The following MBOAT1 variants were observed in gnomAD, a reference collection of about 807,000 sequenced individuals.
MBOAT1 encodes membrane bound glycerophospholipid O-acyltransferase 1, also known as membrane-bound glycerophospholipid O-acyltransferase 1.
MBOAT1 carries 67 observed loss-of-function variants against 64.4 expected under a neutral mutation model. The observed-to-expected ratio is 1.04, with a 90% CI of 0.85 to 1.27. The LOEUF (loss-of-function observed/expected upper bound fraction) is 1.27, where lower values mean the gene tolerates loss of function less well. Ranked by LOEUF, MBOAT1 falls within the 50% of genes most tolerant of loss-of-function variation. MBOAT1 has a pLI of 0.00. For synonymous variants in MBOAT1, 229 were observed against 218.9 expected, an observed-to-expected ratio of 1.05 and a Z score of -0.41; for missense variants, 563 against 604.6, an observed-to-expected ratio of 0.93 and a Z score of 0.72.
intron 3 of MBOAT1, among the ~76,000 whole-genome samples, chr6:20,146,853 C>G (rs761930418): frequency 1.5e-4 from 23 of 152,212 alleles, no homozygotes; most frequent in Non-Finnish European, 3.1e-4. Context: ...TCTAAGGAAT[C>G]AAGAAGTGGT....
chr6:20,186,985 A>C (rs1284531668), intron 1 of MBOAT1, among the ~76,000 whole-genome samples: 1 of 152,262 alleles, frequency 6.6e-6, no homozygotes, highest in African/African-American at 2.4e-5. Flanking sequence ...TGTTTATTGC[A>C]AAGTTAAACT....
chr6:20,168,599 G>GAAGAGA (rs1554120209), intron 1 of MBOAT1, among the ~76,000 whole-genome samples: 18 of 84,702 alleles, frequency 2.1e-4, no homozygotes, highest in East Asian at 2.9e-4. Flanking sequence ...GGGAGAGAAA[G>GAAGAGA]AGAGAAGAGA....
intron 1 of MBOAT1, among the ~76,000 whole-genome samples, chr6:20,179,443 T>C (rs972025132): frequency 1.3e-5 from 2 of 152,240 alleles, no homozygotes; most frequent in African/African-American, 4.8e-5. Flanking sequence ...TTGCCGAGGA[T>C]AATGGTTTGT....
At chr6:20,153,829 GA>G (rs1761598547) in intron 1 of MBOAT1, among the ~76,000 whole-genome samples, 1 of 152,120 alleles carries the variant, frequency 6.6e-6, no homozygotes, top group Non-Finnish European at 1.5e-5. Flanking sequence ...GAAATCTATA[GA>G]AAAGGTCAGC....
chr6:20,199,191 T>C (rs1429239838), intron 1 of MBOAT1, among the ~76,000 whole-genome samples: 1 of 152,238 alleles, frequency 6.6e-6, no homozygotes, highest in African/African-American at 2.4e-5. Flanking sequence ...GGGAGGCTGC[T>C]TGATTCGGGA....
Position 20,144,265 on chromosome 6 carries a change from C to A in MBOAT1, c.374G>T (p.Arg125Leu). ...MGYLTICHIS[R>L]IYIFHYGILT... ...AATTCCATAGTGGAAGATGTATATT[C>A]GGCTGATGTGGCATATTGTAAGATA... The change falls in exon 4 of 13, where the codon CGA becomes CTA. Residue 125 changes from arginine to leucine, a missense_variant. Arg to Leu is a moderately radical substitution (Grantham distance 102). Transcript: ENST00000324607. 6.2e-7 allele frequency: 1 copy of A among 1,613,108 alleles called. No homozygotes were observed. The highest frequency in any genetic ancestry group is 8.5e-7 in the Non-Finnish European group (1 of 1,179,470).
intron 1 of MBOAT1, among the ~76,000 whole-genome samples, chr6:20,175,761 T>C (rs2113732875): frequency 6.6e-6 from 1 of 151,950 alleles, no homozygotes; most frequent in East Asian, 1.9e-4. Flanking sequence ...CATGAGCCAC[T>C]GCACCTGGCC....
intron 4 of MBOAT1, among the ~76,000 whole-genome samples, chr6:20,141,000 G>C (rs1761152249): frequency 6.6e-6 from 1 of 152,134 alleles, no homozygotes; most frequent in South Asian, 2.1e-4. Context: ...TTGAGAGCCA[G>C]GCAAGAGACC....
At position 20,121,235 on chromosome 6, in the gene MBOAT1, T is replaced by C. The variant is rs143329446; in HGVS notation, c.908-2695A>G. 1.3e-3 allele frequency among the ~76,000 whole-genome samples: 193 copies of C among 152,360 alleles called. 5 individuals carry two copies. The East Asian group carries it at 0.029, about 23-fold the overall frequency. On this transcript the variant is annotated intron_variant, in intron 8 of 12. Transcript: ENST00000324607. ...ATGTGTAATTAGTACATCAATTATATGTAAATGGTGTTTTAAAGGGAGCTG... is the reference window on the plus strand; with the variant it reads ...ATGTGTAATTAGTACATCAATTATACGTAAATGGTGTTTTAAAGGGAGCTG...
At chr6:20,197,290 G>C (rs972879896) in intron 1 of MBOAT1, among the ~76,000 whole-genome samples, 1 of 152,122 alleles carries the variant, frequency 6.6e-6, no homozygotes, top group Admixed American at 6.5e-5. Flanking sequence ...AAGCCAAAGG[G>C]AAGTCAGGCT....
chr6:20,175,424 T>A (rs112419652), intron 1 of MBOAT1, among the ~76,000 whole-genome samples: 5,538 of 151,646 alleles, frequency 0.037, 105 homozygotes, highest in African/African-American at 0.046. Flanking sequence ...GAACCCAATT[T>A]GTCCTTTAAT....
Position 20,109,749 on chromosome 6 carries a change from C to A in MBOAT1, c.1210G>T (p.Val404Phe). Residue 404 changes from valine (V) to phenylalanine (F), a missense_variant and splice_region_variant, in exon 12 of 13, where the codon GTC becomes TTC. Val to Phe is a conservative substitution (Grantham distance 50). Coordinates refer to ENST00000324607, the MANE Select transcript of MBOAT1 (RefSeq NM_001080480.3). ...AAGTAATGTCTGTAGTTGTTCCTGA[C>A]CTGCAGGCCAACACAGGCAACAGTA... is the stretch of plus-strand genomic sequence containing the variant. ...GILVTLAARA[V>F]RNNYRHYFLS... The A allele has an allele frequency of 6.2e-7, 1 of 1,612,750 alleles. No individual in the cohort carries two copies. Among genetic ancestry groups the A allele is most frequent in the South Asian group, 1.1e-5 (1 of 91,026 alleles).
At chr6:20,143,203 C>G (rs1040055664) in intron 4 of MBOAT1, among the ~76,000 whole-genome samples, 2 of 152,196 alleles carry the variant, frequency 1.3e-5, no homozygotes, top group African/African-American at 4.8e-5. Context: ...CCAGGAACAG[C>G]TCTGCTGTAA....
At chr6:20,151,857 A>G (rs1215351863) in intron 2 of MBOAT1, among the ~76,000 whole-genome samples, 2 of 152,228 alleles carry the variant, frequency 1.3e-5, no homozygotes, top group Non-Finnish European at 2.9e-5. Flanking sequence ...GATCTGCACT[A>G]AACGCATTGT....
At position 20,136,749 on chromosome 6, in the gene MBOAT1, C is replaced by T. The variant is rs142853525; in HGVS notation, c.420-5550G>A. ...TTCAGTGCACCATAACCTTTTAACACGCATGCAAATATATTTAAATAAAAT... is the reference window on the plus strand; with the variant it reads ...TTCAGTGCACCATAACCTTTTAACATGCATGCAAATATATTTAAATAAAAT... On this transcript the variant is annotated intron_variant, in intron 4 of 12. Coordinates refer to ENST00000324607, the MANE Select transcript of MBOAT1 (RefSeq NM_001080480.3). 5.2e-3 allele frequency among the ~76,000 whole-genome samples: 796 copies of T among 152,294 alleles called. 7 individuals are homozygous for T. Among genetic ancestry groups the T allele is most frequent in the African/African-American group, 0.018 (759 of 41,570 alleles).
Position 20,112,780 on chromosome 6 carries a change from C to T in MBOAT1, c.1209+96G>A, listed in dbSNP as rs188436359. 1.8e-3 allele frequency: 2,462 copies of T among 1,370,744 alleles called. 6 individuals are homozygous for T. The highest frequency in any genetic ancestry group is 2.3e-3 in the Non-Finnish European group (2,291 of 1,011,958). 84.9% of individuals were successfully genotyped at this position (1,370,744 alleles called of 1,614,324 possible). On this transcript the variant is annotated intron_variant, in intron 11 of 12. Transcript: ENST00000324607. ...TTTCAAAACATCACTCCCACCTTCA[C>T]ATCCCACCCCCAACCCCTACTAGGA...
At chr6:20,103,642 G>A (rs772027231) in intron 12 of MBOAT1, among the ~76,000 whole-genome samples, 30 of 152,132 alleles carry the variant, frequency 2.0e-4, no homozygotes, top group Non-Finnish European at 3.8e-4. Flanking sequence ...GGTCAGGCTG[G>A]TCTCGAACTC....
chr6:20,188,310 G>C (rs190794629), intron 1 of MBOAT1, among the ~76,000 whole-genome samples: 234 of 152,284 alleles, frequency 1.5e-3, no homozygotes, highest in African/African-American at 5.1e-3. Flanking sequence ...AGGAGTAAAT[G>C]CTCAGACAAA....
At chr6:20,200,593 C>T (rs1763093767) in intron 1 of MBOAT1, among the ~76,000 whole-genome samples, 2 of 152,148 alleles carry the variant, frequency 1.3e-5, no homozygotes, top group South Asian at 2.1e-4. Flanking sequence ...TACTTCTCTC[C>T]ATTTAAGGGG....
Sources: allele counts gnomAD v4.1 joint callset (sites outside exome capture counted in the v4.1 genomes callset), GRCh38; gene constraint gnomAD v4.1.1; transcripts MANE v1.5; gene names NCBI Gene and HGNC (gene_info 2026-07-23, HGNC 2026-07-21).